Variants in MPP3 observed in about 807,000 individuals in gnomAD.
MPP3 encodes MAGUK p55 scaffold protein 3, also known as MAGUK p55 subfamily member 3.
In MPP3, 48 loss-of-function variants were observed where a neutral mutation model predicts 80.7. The observed-to-expected ratio is 0.59, with a 90% CI of 0.47 to 0.76. The LOEUF (loss-of-function observed/expected upper bound fraction) is 0.76. Among genes scored for constraint, MPP3 ranks in the 30% least tolerant of loss-of-function variants. MPP3 has a pLI of 0.00. For missense variants in MPP3, 620 were observed against 763.0 expected (o/e 0.81, Z 2.21); for synonymous variants, 311 against 297.6 (o/e 1.04, Z -0.46).
At position 43,816,046 on chromosome 17, in the gene MPP3, T is replaced by C. The variant is rs745782160; in HGVS notation, c.1001A>G (p.His334Arg). 33 of 1,504,516 alleles carry C rather than the reference T, an allele frequency of 2.2e-5. No homozygotes were observed. Among genetic ancestry groups the C allele is most frequent in the African/African-American group, 8.6e-5 (6 of 69,532 alleles). The allele number at this position is 1,504,516 out of a possible 1,614,324, so 93.2% of individuals were successfully genotyped here. ...CAGGGGGAGCTACTTACCCACATAG[T>C]GCCCTTTGAGGTAGCCCTCACAGTC... The part of the protein sequence containing the change: ...TCDCEGYLKG[H>R]YVAGLRRSFR... Residue 334 changes from histidine to arginine, a missense_variant, in exon 14 of 20, where the codon CAC becomes CGC. Physicochemically the swap from His to Arg is conservative, Grantham distance 29. Transcript: ENST00000398389.
intron 16 of MPP3, 175 bp from the exon 17 acceptor site, chr17:43,811,380 C>T (rs1274186732): frequency 3.3e-6 from 2 of 598,748 alleles, no homozygotes; most frequent in Non-Finnish European, 5.9e-6. Flanking sequence ...AGGCGTATCA[C>T]TGATTCACAC....
intron 13 of MPP3, among the ~76,000 whole-genome samples, chr17:43,816,383 C>T (rs2045133131): frequency 6.6e-6 from 1 of 152,214 alleles, no homozygotes; most frequent in South Asian, 2.1e-4. Flanking sequence ...CCTGCCCTGC[C>T]CTCCCACCCC....
rs2044845509 is a variant in MPP3, at chr17:43,811,259, G to C, written c.1256-54C>G. Reference sequence around the variant, plus strand: ...AAGAGATGTCACATCACAGCACGCAGGGACAGCAGCAGGCTTAGGCACTCA... The same window carrying C: ...AAGAGATGTCACATCACAGCACGCACGGACAGCAGCAGGCTTAGGCACTCA... On this transcript the variant is annotated intron_variant, in intron 16 of 19. Transcript: ENST00000398389. The C allele has an allele frequency of 2.1e-6, 3 of 1,410,124 alleles. No individual in the cohort carries two copies. In the East Asian group the frequency reaches 6.8e-5, roughly 32 times the overall value. 87.4% of individuals were successfully genotyped at this position (1,410,124 alleles called of 1,614,324 possible).
At chr17:43,826,992 G>T (rs72836549) in intron 8 of MPP3, among the ~76,000 whole-genome samples, 22,601 of 150,592 alleles carry the variant, frequency 0.15, 2,217 homozygotes, top group Non-Finnish European at 0.21. Context: ...TGGGCCACCC[G>T]TGCATGGCCT....
intron 9 of MPP3, chr17:43,825,024 C>G (rs1435470380): frequency 6.6e-6 from 1 of 152,324 alleles, no homozygotes; most frequent in Non-Finnish European, 1.5e-5. Context: ...CCACCTGCCT[C>G]GGCCTTCCAA....
Position 43,811,146 on chromosome 17 carries a change from T to G in MPP3, c.1315A>C (p.Lys439Gln). 5.6e-6 allele frequency: 9 copies of G among 1,614,242 alleles called. No individual in the cohort carries two copies. The highest frequency in any genetic ancestry group is 7.6e-6 in the Non-Finnish European group (9 of 1,180,034). The change falls in exon 17 of 20, where the codon AAG (lysine) becomes CAG (glutamine). Residue 439 changes from lysine (K) to glutamine (Q), a missense_variant. Physicochemically the swap from Lys to Gln is moderately conservative, Grantham distance 53. Transcript: ENST00000398389. ...TGTAAGTCGGCCTCAAATGCTTGCTTAGACACAAAGTGATATTCCACTCCT... is the reference window on the plus strand; with the variant it reads ...TGTAAGTCGGCCTCAAATGCTTGCTGAGACACAAAGTGATATTCCACTCCT... ...KEGVEYHFVSKQAFEADLHHN... is the reference protein window; with the variant it reads ...KEGVEYHFVSQQAFEADLHHN...
chr17:43,816,203 G>A (rs1031100095), intron 13 of MPP3, 124 bp from the exon 14 acceptor site: 2 of 804,172 alleles, frequency 2.5e-6, no homozygotes, highest in Non-Finnish European at 3.8e-6. Flanking sequence ...GGGGAGCTCA[G>A]GGGAAATCCC....
At chr17:43,821,538 A>G (rs2045461384) in intron 10 of MPP3, among the ~76,000 whole-genome samples, 1 of 151,916 alleles carries the variant, frequency 6.6e-6, no homozygotes, top group Non-Finnish European at 1.5e-5. Flanking sequence ...ACTGTTACTG[A>G]CTCCTCACCA....
intron 7 of MPP3, 105 bp from the exon 8 acceptor site, chr17:43,827,937 C>T: frequency 2.9e-6 from 3 of 1,041,362 alleles, no homozygotes; most frequent in Non-Finnish European, 4.4e-6. Flanking sequence ...CTCTGACAGT[C>T]CAGAGAGATC....
chr17:43,830,815 C>T (rs1671398219), intron 5 of MPP3, among the ~76,000 whole-genome samples: 1 of 152,206 alleles, frequency 6.6e-6, no homozygotes, highest in African/African-American at 2.4e-5. Context: ...AGAAGCGTTC[C>T]TTTAAAAAAT....
intron 7 of MPP3, 110 bp downstream of exon 7, chr17:43,829,544 G>T: frequency 7.6e-7 from 1 of 1,322,022 alleles, no homozygotes; most frequent in East Asian, 2.4e-5. Flanking sequence ...CGCAGGCAAA[G>T]CTGCCGTCAC....
At chr17:43,809,205 G>A (rs1379636918) in intron 18 of MPP3, 127 bp from the exon 19 acceptor site, 3 of 995,062 alleles carry the variant, frequency 3.0e-6, no homozygotes, top group Non-Finnish European at 4.3e-6. Flanking sequence ...GGTTACATGG[G>A]TCCCATGACA....
chr17:43,811,191 G>C lies in MPP3; in HGVS notation c.1270C>G (p.Arg424Gly). The change falls in exon 17 of 20, where the codon CGA becomes GGA. Residue 424 changes from arginine to glycine, a missense_variant. Physicochemically the swap from Arg to Gly is moderately radical, Grantham distance 125 (BLOSUM62 -2). Transcript: ENST00000398389. The stretch of plus-strand genomic sequence containing the variant: ...ACTCCTTCCTTCTCATGGCTCTTTC[G>C]GGGCCTGGTGGTATCTTTTAAAGAA... ...GVAVPHTTRPRKSHEKEGVEY... is the reference protein window; with the variant it reads ...GVAVPHTTRPGKSHEKEGVEY... 1.2e-6 allele frequency: 2 copies of C among 1,613,740 alleles called. No homozygotes were observed. Among genetic ancestry groups the C allele is most frequent in the Non-Finnish European group, 1.7e-6 (2 of 1,179,736 alleles).
At chr17:43,812,970 C>G (rs2044939581) in intron 16 of MPP3, among the ~76,000 whole-genome samples, 1 of 152,168 alleles carries the variant, frequency 6.6e-6, no homozygotes, top group South Asian at 2.1e-4. Context: ...AGACGCTGGG[C>G]CCAGGGGCCC....
intron 4 of MPP3, 72 bp from the exon 5 acceptor site, chr17:43,831,393 G>A (rs1014122465): frequency 1.9e-5 from 29 of 1,518,502 alleles, no homozygotes; most frequent in African/African-American, 9.6e-5. Context: ...GGACATTTGG[G>A]GCAGCAGACT....
intron 19 of MPP3, among the ~76,000 whole-genome samples, chr17:43,806,096 GATTT>G (rs1409975630): frequency 2.0e-5 from 3 of 151,948 alleles, no homozygotes; most frequent in African/African-American, 7.3e-5. Flanking sequence ...TTTTTATTTT[GATTT>G]ATTTTTTCTT....
intron 16 of MPP3, among the ~76,000 whole-genome samples, chr17:43,813,347 C>T (rs1024300627): frequency 6.6e-6 from 1 of 152,276 alleles, no homozygotes. Flanking sequence ...TCTCTCTTCT[C>T]AGGGGTACTG....
intron 16 of MPP3, among the ~76,000 whole-genome samples, chr17:43,813,399 C>T (rs908181677): frequency 1.3e-5 from 2 of 152,158 alleles, no homozygotes; most frequent in African/African-American, 2.4e-5. Flanking sequence ...GCTCTTGGTG[C>T]ATTACCTGGC....
chr17:43,825,729 C>G (rs1307494226), intron 9 of MPP3, 27 bp downstream of exon 9: 2 of 1,504,584 alleles, frequency 1.3e-6, no homozygotes, highest in South Asian at 2.3e-5. Flanking sequence ...AGACCCAGCA[C>G]ATCCCTAGCA....
Sources: allele counts gnomAD v4.1 joint callset (sites outside exome capture counted in the v4.1 genomes callset), GRCh38; gene constraint gnomAD v4.1.1; transcripts MANE v1.5; gene names NCBI Gene and HGNC (gene_info 2026-07-23, HGNC 2026-07-21).